The following RBFOX1 variants were observed in gnomAD, a reference collection of about 807,000 sequenced individuals.
The protein encoded by RBFOX1 is RNA binding protein fox-1 homolog 1.
RBFOX1 carries 8 observed loss-of-function variants against 57.7 expected under a neutral mutation model. The observed-to-expected ratio is 0.14, with a 90% CI of 0.08 to 0.25. The LOEUF (loss-of-function observed/expected upper bound fraction) is 0.25. Ranked by LOEUF, RBFOX1 falls within the 10% of genes least tolerant of loss-of-function variation. RBFOX1 has a pLI of 1.00. For synonymous variants in RBFOX1, 326 were observed against 222.4 expected (o/e 1.47, Z -4.15); for missense variants, 611 against 548.5 (o/e 1.11, Z -1.14).
At chr16:6,726,195 T>A (rs969783738) in intron 3 of RBFOX1, among the ~76,000 whole-genome samples, 6 of 152,114 alleles carry the variant, frequency 3.9e-5, no homozygotes, top group African/African-American at 1.4e-4. Flanking sequence ...TAGCAAGATC[T>A]CACCCGTTTG....
rs112215137 is a variant in RBFOX1 at position 6,357,864 on chromosome 16, T to C, written c.-64+40807T>C. Among the ~76,000 whole-genome samples, 485 of 151,764 alleles carry C rather than the reference T, an allele frequency of 3.2e-3. 1 individual carries two copies. The highest frequency in any genetic ancestry group is 0.011 in the African/African-American group (452 of 41,338). On this transcript the variant is annotated intron_variant, in intron 2 of 15. Coordinates refer to ENST00000550418, the MANE Select transcript of RBFOX1 (RefSeq NM_018723.4). ...TACTTGGGAGGCTGAGGTAGGAGAA[T>C]TGCTTGAACCCTGGAGGTGGAGGTT...
intron 2 of RBFOX1, among the ~76,000 whole-genome samples, chr16:6,436,514 T>C (rs1474845974): frequency 1.7e-4 from 24 of 139,066 alleles, no homozygotes; most frequent in African/African-American, 7.4e-4. Flanking sequence ...TTCTTCACTT[T>C]TTTTTTTTTT....
At chr16:6,743,657 C>G (rs1284655948) in intron 3 of RBFOX1, among the ~76,000 whole-genome samples, 1 of 151,854 alleles carries the variant, frequency 6.6e-6, no homozygotes, top group Non-Finnish European at 1.5e-5. Flanking sequence ...GTGTCAGTAT[C>G]ACTTGAGCCT....
intron 2 of RBFOX1, among the ~76,000 whole-genome samples, chr16:6,543,667 G>T (rs1235867780): frequency 6.6e-6 from 1 of 152,158 alleles, no homozygotes; most frequent in Non-Finnish European, 1.5e-5. Context: ...GAGGCACCTT[G>T]GCAGGGGAGG....
chr16:6,359,177 C>A (rs2087941111), intron 2 of RBFOX1, among the ~76,000 whole-genome samples: 1 of 152,206 alleles, frequency 6.6e-6, no homozygotes, highest in Non-Finnish European at 1.5e-5. Flanking sequence ...ACTGCAACCT[C>A]TGCCTTCCAG....
intron 2 of RBFOX1, among the ~76,000 whole-genome samples, chr16:6,388,096 C>G (rs1596460047): frequency 6.6e-6 from 1 of 150,392 alleles, no homozygotes; most frequent in Non-Finnish European, 1.5e-5. Flanking sequence ...TCTTCTGCCT[C>G]AGCCTCCCGA....
intron 4 of RBFOX1, among the ~76,000 whole-genome samples, chr16:7,210,737 A>G (rs978369524): frequency 3.3e-5 from 5 of 152,100 alleles, no homozygotes; most frequent in Non-Finnish European, 4.4e-5. Context: ...CATAGTATCA[A>G]TAAGGGGGTT....
Position 6,832,273 on chromosome 16 carries a change from A to G in RBFOX1, c.-16+177623A>G, listed in dbSNP as rs148084899. Among the ~76,000 whole-genome samples, 14 of 152,308 alleles carry G rather than the reference A, an allele frequency of 9.2e-5. No homozygotes were observed. The East Asian group carries it at 2.5e-3, about 27-fold the overall frequency. On this transcript the variant is annotated intron_variant, in intron 3 of 15. Transcript: ENST00000550418. ...AGTGGGATTTATCTTGAAAAGAGCA[A>G]TTGCTGACATATGTCACATGTCATT...
intron 4 of RBFOX1, among the ~76,000 whole-genome samples, chr16:7,177,507 A>G (rs2081922572): frequency 6.6e-6 from 1 of 152,088 alleles, no homozygotes; most frequent in Non-Finnish European, 1.5e-5. Flanking sequence ...AAAAGAATAC[A>G]AAAAGAAGTA....
At chr16:5,714,454 C>T (rs62014070) in intron 3 of RBFOX1, among the ~76,000 whole-genome samples, 17,271 of 152,144 alleles carry the variant, frequency 0.11, 1,315 homozygotes, top group Non-Finnish European at 0.18. Flanking sequence ...TCGAAGAGAC[C>T]ACCCAAAAGC....
At chr16:6,985,987 G>A (rs867776900) in intron 3 of RBFOX1, among the ~76,000 whole-genome samples, 1 of 151,310 alleles carries the variant, frequency 6.6e-6, no homozygotes, top group Non-Finnish European at 1.5e-5. Flanking sequence ...CCGGACGAGA[G>A]AAATTTTTTT....
At chr16:6,889,693 T>A (rs1348813839) in intron 3 of RBFOX1, among the ~76,000 whole-genome samples, 2 of 152,210 alleles carry the variant, frequency 1.3e-5, no homozygotes, top group African/African-American at 2.4e-5. Flanking sequence ...AATGGTTGTT[T>A]AATAAATTCT....
chr16:7,434,160 G>C (rs1400819607), intron 4 of RBFOX1, among the ~76,000 whole-genome samples: 1 of 151,996 alleles, frequency 6.6e-6, no homozygotes, highest in Non-Finnish European at 1.5e-5. Flanking sequence ...GGAGATGACA[G>C]ACATGTGGTG....
chr16:7,019,301 T>G (rs879490359), intron 3 of RBFOX1, among the ~76,000 whole-genome samples: 25 of 152,122 alleles, frequency 1.6e-4, no homozygotes, highest in Non-Finnish European at 3.1e-4. Flanking sequence ...TGCTGATGTT[T>G]AGGATGAAAA....
intron 4 of RBFOX1, among the ~76,000 whole-genome samples, chr16:7,331,308 T>G (rs1311119459): frequency 2.0e-5 from 3 of 152,156 alleles, no homozygotes; most frequent in African/African-American, 7.2e-5. Context: ...AGTGTCCTGT[T>G]TAGAGTGAGC....
At chr16:7,667,366 A>G (rs957540976) in intron 13 of RBFOX1, among the ~76,000 whole-genome samples, 2 of 152,236 alleles carry the variant, frequency 1.3e-5, no homozygotes, top group Non-Finnish European at 2.9e-5. Context: ...ACCACAGAAT[A>G]TACAGAACAA....
intron 3 of RBFOX1, among the ~76,000 whole-genome samples, chr16:6,957,898 C>G (rs1049048521): frequency 1.3e-5 from 2 of 152,160 alleles, no homozygotes; most frequent in African/African-American, 4.8e-5. Flanking sequence ...AATGGCCCCT[C>G]CCTTTTCCAT....
At chr16:5,532,541 T>C (rs1324806781) in intron 2 of RBFOX1, among the ~76,000 whole-genome samples, 5 of 152,212 alleles carry the variant, frequency 3.3e-5, no homozygotes, top group African/African-American at 4.8e-5. Context: ...TCATATCATT[T>C]AGGTTAGTCT....
At chr16:5,908,330 A>ATG (rs1417978341) in intron 4 of RBFOX1, among the ~76,000 whole-genome samples, 22 of 138,234 alleles carry the variant, frequency 1.6e-4, no homozygotes, top group African/African-American at 3.3e-4. Flanking sequence ...ACACATATAT[A>ATG]TATGTGTGTG....
Sources: gnomAD v4.1 joint callset for allele counts (sites outside exome capture counted in the v4.1 genomes callset) on GRCh38, gnomAD v4.1.1 for gene constraint, MANE v1.5 for transcripts, NCBI Gene and HGNC (gene_info 2026-07-23, HGNC 2026-07-21) for gene names.